The following CLIP2 variants were observed in gnomAD, a reference collection of about 807,000 sequenced individuals.
The protein encoded by CLIP2 is CAP-Gly domain-containing linker protein 2.
CLIP2 carries 41 observed loss-of-function variants against 111.7 expected under a neutral mutation model. The ratio of observed to expected loss-of-function variants is 0.37; its 90% CI spans 0.29 to 0.48. The LOEUF (loss-of-function observed/expected upper bound fraction) is 0.48, where lower values mean the gene tolerates loss of function less well. CLIP2 is among the 20% of genes least tolerant of loss of function. CLIP2 has a pLI of 0.99. For synonymous variants in CLIP2, 660 were observed against 644.2 expected (o/e 1.02, Z -0.37); for missense variants, 1,160 against 1,422.1 (o/e 0.82, Z 2.96).
intron 13 of CLIP2, 97 bp downstream of exon 13, chr7:74,389,356 G>T: frequency 6.8e-6 from 9 of 1,317,424 alleles, no homozygotes; most frequent in Non-Finnish European, 9.1e-6. Context: ...CAGAGAGGGG[G>T]ATAGAGCTGG....
At chr7:74,403,751 C>A in intron 16 of CLIP2, 86 bp from the exon 17 acceptor site, 1 of 1,448,160 alleles carries the variant, frequency 6.9e-7, no homozygotes, top group Non-Finnish European at 9.7e-7. Flanking sequence ...CCGGCCCCAA[C>A]TCCTTTCCTC....
intron 7 of CLIP2, among the ~76,000 whole-genome samples, chr7:74,361,186 T>TCCTTCCTTCCTTCCTTCCTTCCTA (rs1790320749): frequency 8.3e-6 from 1 of 121,090 alleles, no homozygotes; most frequent in Non-Finnish European, 1.7e-5. Flanking sequence ...TTTCCTTCCT[T>TCCTTCCTTCCTTCCTTCCTTCCTA]CCTTCCTTCC....
chr7:74,396,776 C>G lies in CLIP2; in HGVS notation c.2721-298C>G, dbSNP rs185679663. Among the ~76,000 whole-genome samples, 6 of 152,266 alleles carry G rather than the reference C, an allele frequency of 3.9e-5. No homozygotes were observed. The East Asian group carries it at 1.2e-3, about 29-fold the overall frequency. On this transcript the variant is annotated intron_variant, in intron 13 of 16. Transcript: ENST00000223398. ...CCTCAAATGATCCGCCCACCTCGGCCTTCTGAAGTGCTGGGATTACAGGCG... is the reference window on the plus strand; with the variant it reads ...CCTCAAATGATCCGCCCACCTCGGCGTTCTGAAGTGCTGGGATTACAGGCG...
intron 8 of CLIP2, among the ~76,000 whole-genome samples, chr7:74,369,307 C>T (rs1236566935): frequency 6.6e-6 from 1 of 152,150 alleles, no homozygotes; most frequent in Non-Finnish European, 1.5e-5. Context: ...AACAAGATCA[C>T]ACCACTGCAC....
At chr7:74,356,668 G>A in intron 5 of CLIP2, 45 bp downstream of exon 5, 1 of 1,541,450 alleles carries the variant, frequency 6.5e-7, no homozygotes, top group Non-Finnish European at 8.8e-7. Flanking sequence ...GTGCGTTTGG[G>A]AGGGGTGAGG....
intron 1 of CLIP2, among the ~76,000 whole-genome samples, chr7:74,296,580 G>C (rs1167244456): frequency 6.6e-6 from 1 of 151,852 alleles, no homozygotes; most frequent in Non-Finnish European, 1.5e-5. Context: ...ATGAGGTCAG[G>C]AGTTCAAGAC....
chr7:74,364,370 G>A, intron 8 of CLIP2, 55 bp downstream of exon 8: 1 of 1,518,138 alleles, frequency 6.6e-7, no homozygotes, highest in Admixed American at 1.8e-5. Context: ...CCTGGCCCTT[G>A]CTAGGGCAGA....
chr7:74,306,542 T>TC (rs376114395), intron 1 of CLIP2, among the ~76,000 whole-genome samples: 89 of 151,968 alleles, frequency 5.9e-4, no homozygotes, highest in African/African-American at 2.0e-3. Context: ...TTGGCACCCG[T>TC]CCCCCTCCGC....
At chr7:74,333,346 G>A (rs898656511) in intron 2 of CLIP2, among the ~76,000 whole-genome samples, 4 of 151,908 alleles carry the variant, frequency 2.6e-5, no homozygotes. Flanking sequence ...ACCACGCCCA[G>A]CTAATTATGG....
In CLIP2 at chr7:74,405,675, C is replaced by T. The variant is rs2116726589; in HGVS notation, c.*1827C>T. 6.5e-6 allele frequency: 1 copy of T among 152,804 alleles called. No individual in the cohort carries two copies. The highest frequency in any genetic ancestry group is 2.1e-4 in the South Asian group (1 of 4,828). The allele number at this position is 152,804 out of a possible 1,614,324, so 9.5% of individuals were successfully genotyped here. A position where few individuals can be genotyped will look rare whatever the true frequency, so the allele number is the denominator to read the frequency against. On this transcript the variant is annotated 3_prime_UTR_variant, in exon 17 of 17. Transcript: ENST00000223398. ...GTAGGGGCACCGATTAGTCTACTAACAGCCAGAGGTCCATCTAGCAGGGTG... is the reference window on the plus strand; with the variant it reads ...GTAGGGGCACCGATTAGTCTACTAATAGCCAGAGGTCCATCTAGCAGGGTG...
Position 74,338,876 on chromosome 7 carries a change from G to A in CLIP2, c.550G>A (p.Val184Ile), listed in dbSNP as rs201687475. Residue 184 changes from valine (V) to isoleucine (I), a missense_variant, in exon 3 of 17, where the codon GTC (valine) becomes ATC (isoleucine). Transcript: ENST00000223398. This position sits in a 1 kb window ranked among gnomAD's most constrained non-coding sequence, Gnocchi z 4.3. ...GGCCACGCCCCCGCTGACCAGCCGC[G>A]TCATCCCCCTGCGGGAGAGCGTCCT... Reference protein sequence around the residue: ...GTATPPLTSRVIPLRESVLNS... With the variant: ...GTATPPLTSRIIPLRESVLNS... The A allele has an allele frequency of 3.1e-6, 5 of 1,607,344 alleles. No individual in the cohort carries two copies. Among genetic ancestry groups the A allele is most frequent in the Middle Eastern group, 1.6e-4 (1 of 6,084 alleles).
intron 2 of CLIP2, among the ~76,000 whole-genome samples, chr7:74,331,360 A>G (rs545371261): frequency 7.3e-5 from 11 of 151,702 alleles, no homozygotes; most frequent in African/African-American, 2.4e-4. Flanking sequence ...ACCTGAGTGC[A>G]TGGGTGGTTG....
In CLIP2 at chr7:74,336,870, T is replaced by G. The variant is rs1447819989; in HGVS notation, c.122-1578T>G. Among the ~76,000 whole-genome samples, 137 of 24,014 alleles carry G rather than the reference T, an allele frequency of 5.7e-3. 1 individual carries two copies. Among genetic ancestry groups the G allele is most frequent in the Admixed American group, 0.024 (45 of 1,838 alleles). The allele number at this position is 24,014 out of a possible 152,430, so 15.8% of individuals were successfully genotyped here. A position where few individuals can be genotyped will look rare whatever the true frequency, so the allele number is the denominator to read the frequency against. ...TTGTTTGTTTTTTTTGTTTTTTTTT[T>G]TTTTGTTTTTTTTTGTTTTGTTTTT... On this transcript the variant is annotated intron_variant, in intron 2 of 16. Transcript: ENST00000223398.
At chr7:74,332,152 C>T (rs1233990689) in intron 2 of CLIP2, among the ~76,000 whole-genome samples, 21 of 152,036 alleles carry the variant, frequency 1.4e-4, no homozygotes, top group Admixed American at 1.3e-3. Flanking sequence ...CGGCTCACTG[C>T]AACCTCCGCC....
intron 1 of CLIP2, among the ~76,000 whole-genome samples, chr7:74,310,301 G>A (rs1337083994): frequency 2.0e-5 from 3 of 151,920 alleles, no homozygotes; most frequent in Non-Finnish European, 4.4e-5. Flanking sequence ...GAGGCAGGAG[G>A]ATCCTTTCAG....
chr7:74,324,383 C>T (rs781901314), intron 2 of CLIP2, among the ~76,000 whole-genome samples: 4 of 152,202 alleles, frequency 2.6e-5, no homozygotes, highest in Non-Finnish European at 5.9e-5. Flanking sequence ...ACTGTGATAT[C>T]ACCTGCTGTC....
chr7:74,389,296 G>A (rs1791209186), intron 13 of CLIP2, 37 bp downstream of exon 13: 1 of 1,515,490 alleles, frequency 6.6e-7, no homozygotes, highest in African/African-American at 1.4e-5. Context: ...TCCTCCCTGT[G>A]GCCCTGGCCC....
chr7:74,333,344 C>T (rs1554731629), intron 2 of CLIP2, among the ~76,000 whole-genome samples: 5 of 150,932 alleles, frequency 3.3e-5, no homozygotes, highest in African/African-American at 1.2e-4. Context: ...CCACCACGCC[C>T]AGCTAATTAT....
intron 1 of CLIP2, among the ~76,000 whole-genome samples, chr7:74,290,677 T>A (rs981652213): frequency 5.3e-5 from 8 of 152,024 alleles, no homozygotes; most frequent in African/African-American, 1.9e-4. Context: ...GCGCGATGCC[T>A]GAGGGAGGTG....
Sources: gnomAD v4.1 joint callset for allele counts (sites outside exome capture counted in the v4.1 genomes callset) on GRCh38, gnomAD v4.1.1 for gene constraint, Gnocchi (gnomAD v3.1) non-coding constraint, MANE v1.5 for transcripts, NCBI Gene and HGNC (gene_info 2026-07-23, HGNC 2026-07-21) for gene names.